Variants in THSD4 observed in about 807,000 individuals in gnomAD.
THSD4 encodes the protein thrombospondin type 1 domain containing 4.
A neutral mutation model predicts 119.0 loss-of-function variants in THSD4; 69 were observed. That is an observed-to-expected ratio of 0.58 (90% CI 0.48 to 0.71). The LOEUF is 0.71. Ranked by LOEUF, THSD4 falls within the 30% of genes least tolerant of loss-of-function variation. The pLI is 0.00. For missense variants in THSD4, 1,393 were observed against 1,391.1 expected (o/e 1.00, Z -0.02); for synonymous variants, 524 against 540.4 (o/e 0.97, Z 0.42).
At chr15:71,692,371 T>G (rs141216140) in intron 8 of THSD4, among the ~76,000 whole-genome samples, 1 of 152,362 alleles carries the variant, frequency 6.6e-6, no homozygotes, top group South Asian at 2.1e-4. Flanking sequence ...CCCACTTTTA[T>G]GTTGTTAGAT....
Position 71,771,202 on chromosome 15 carries a change from G to A in THSD4, c.2908G>A (p.Glu970Lys). 2.5e-6 allele frequency: 4 copies of A among 1,613,712 alleles called. No homozygotes were observed. Among genetic ancestry groups the A allele is most frequent in the Non-Finnish European group, 3.4e-6 (4 of 1,179,934 alleles). The change falls in exon 17 of 18, where the codon GAA becomes AAA. Residue 970 changes from glutamate (E) to lysine (K), a missense_variant. Glu to Lys is a moderately conservative substitution (Grantham distance 56). Transcript: ENST00000261862. ...TTGTAACCCTCAGGACTGTGTCCCT[G>A]AAGTTGGTAAGTAGAGATTTCAATC... The part of the protein sequence containing the change: ...ESCNPQDCVP[E>K]VDENCKDKYY...
chr15:71,382,241 A>T (rs2046237956), intron 6 of THSD4, among the ~76,000 whole-genome samples: 1 of 152,126 alleles, frequency 6.6e-6, no homozygotes, highest in Admixed American at 6.6e-5. Flanking sequence ...AAAACACAGA[A>T]TTTTTATTTT....
chr15:71,147,375 T>A (rs1236004174), intron 2 of THSD4, among the ~76,000 whole-genome samples: 11 of 152,172 alleles, frequency 7.2e-5, no homozygotes, highest in South Asian at 4.2e-4. Context: ...CAGCTCACTT[T>A]AAAAAAAATT....
intron 3 of THSD4, among the ~76,000 whole-genome samples, chr15:71,203,839 T>C (rs1352014107): frequency 6.6e-6 from 1 of 152,176 alleles, no homozygotes; most frequent in African/African-American, 2.4e-5. Context: ...TCCATGAAAA[T>C]GCTTTCGGCT....
At chr15:71,118,089 G>T (rs1409369575) in intron 1 of THSD4, among the ~76,000 whole-genome samples, 3 of 152,108 alleles carry the variant, frequency 2.0e-5, no homozygotes, top group African/African-American at 7.2e-5. Flanking sequence ...GGAGTTCAAG[G>T]AGATGGGAAA....
intron 4 of THSD4, among the ~76,000 whole-genome samples, chr15:71,223,750 C>T (rs1230792102): frequency 2.0e-5 from 3 of 152,090 alleles, no homozygotes; most frequent in Non-Finnish European, 4.4e-5. Context: ...GAGTGTTCTA[C>T]CTGGGGGATG....
At chr15:71,331,831 G>T (rs558203788) in intron 6 of THSD4, among the ~76,000 whole-genome samples, 138 of 66,246 alleles carry the variant, frequency 2.1e-3, no homozygotes, top group African/African-American at 7.9e-3. Flanking sequence ...TCCCCACCCC[G>T]TGACATTGGA....
chr15:71,387,607 G>T (rs1187619751), intron 6 of THSD4, among the ~76,000 whole-genome samples: 1 of 152,188 alleles, frequency 6.6e-6, no homozygotes, highest in African/African-American at 2.4e-5. Context: ...CCTGATATCT[G>T]TCTTACTTTC....
intron 3 of THSD4, among the ~76,000 whole-genome samples, chr15:71,162,409 T>C (rs1334933553): frequency 6.6e-6 from 1 of 152,116 alleles, no homozygotes; most frequent in African/African-American, 2.4e-5. Flanking sequence ...GTATTCTTAC[T>C]TGGTTGACAG....
intron 1 of THSD4, among the ~76,000 whole-genome samples, chr15:71,116,316 G>A (rs1298280957): frequency 6.6e-6 from 1 of 152,262 alleles, no homozygotes; most frequent in Admixed American, 6.5e-5. Flanking sequence ...CGGCCCCTTG[G>A]CGCACTTACA....
Position 71,782,784 on chromosome 15 carries a change from T to C in THSD4, c.*5410T>C, listed in dbSNP as rs990227878. 6.6e-6 allele frequency: 1 copy of C among 152,242 alleles called. No homozygotes were observed. The highest frequency in any genetic ancestry group is 2.4e-5 in the African/African-American group (1 of 41,454). 9.4% of individuals were successfully genotyped at this position (152,242 alleles called of 1,614,324 possible). On this transcript the variant is annotated 3_prime_UTR_variant, in exon 18 of 18. Coordinates refer to ENST00000261862, the MANE Select transcript of THSD4 (RefSeq NM_024817.3). ...TGTACCTGAACCTGATTGCTACTTT[T>C]TCATCTTAAATATTATATTTCCTCA...
At chr15:71,360,121 C>T (rs1232409116) in intron 6 of THSD4, among the ~76,000 whole-genome samples, 1 of 152,144 alleles carries the variant, frequency 6.6e-6, no homozygotes, top group East Asian at 1.9e-4. Flanking sequence ...CTTCTTGGCT[C>T]ACTTATCTGG....
chr15:71,744,360 CAG>C (rs1412741952), intron 11 of THSD4, among the ~76,000 whole-genome samples: 5 of 152,122 alleles, frequency 3.3e-5, no homozygotes, highest in Non-Finnish European at 7.3e-5. Flanking sequence ...ACTGGGGCTA[CAG>C]AGATTAAGAA....
At chr15:71,439,288 T>C (rs969545523) in intron 7 of THSD4, among the ~76,000 whole-genome samples, 1 of 152,218 alleles carries the variant, frequency 6.6e-6, no homozygotes, top group African/African-American at 2.4e-5. Flanking sequence ...GCTTGAAATT[T>C]ACTATTTTTT....
chr15:71,172,719 A>ATATG (rs2043391282), intron 3 of THSD4, among the ~76,000 whole-genome samples: 1 of 118,432 alleles, frequency 8.4e-6, no homozygotes, highest in Non-Finnish European at 1.7e-5. Context: ...ATATATATAT[A>ATATG]TATATATATA....
intron 3 of THSD4, among the ~76,000 whole-genome samples, chr15:71,155,286 G>A (rs927920844): frequency 6.6e-6 from 1 of 152,230 alleles, no homozygotes; most frequent in South Asian, 2.1e-4. Context: ...GAGAGAGAAC[G>A]GGGAGGTGCC....
intron 6 of THSD4, among the ~76,000 whole-genome samples, chr15:71,385,218 C>T (rs1048004345): frequency 1.3e-5 from 2 of 152,120 alleles, no homozygotes; most frequent in African/African-American, 4.8e-5. Context: ...CTAGACACAA[C>T]GCTGTGGAGT....
chr15:71,295,373 C>T (rs1027523713), intron 6 of THSD4, among the ~76,000 whole-genome samples: 1 of 152,146 alleles, frequency 6.6e-6, no homozygotes, highest in African/African-American at 2.4e-5. Flanking sequence ...TCCTGAGCCC[C>T]TTTCCTGGTT....
chr15:71,580,476 G>A (rs545440033), intron 7 of THSD4, among the ~76,000 whole-genome samples: 19 of 152,236 alleles, frequency 1.2e-4, no homozygotes, highest in African/African-American at 4.1e-4. Context: ...TCACATCTTT[G>A]TGTGGGTGTG....
Sources: allele counts gnomAD v4.1 joint callset (sites outside exome capture counted in the v4.1 genomes callset), GRCh38; gene constraint gnomAD v4.1.1; transcripts MANE v1.5; gene names NCBI Gene and HGNC (gene_info 2026-07-23, HGNC 2026-07-21).